The following FNDC3A variants were observed in gnomAD, a reference collection of about 807,000 sequenced individuals.
The protein encoded by FNDC3A is fibronectin type III domain containing 3A.
In FNDC3A, 32 loss-of-function variants were observed where a neutral mutation model predicts 148.9. That is an observed-to-expected ratio of 0.21 (90% CI 0.16 to 0.29). FNDC3A has a LOEUF of 0.29. Among genes scored for constraint, FNDC3A ranks in the 10% least tolerant of loss-of-function variants. The pLI is 1.00. For synonymous variants in FNDC3A, 472 were observed against 473.6 expected (o/e 1.00, Z 0.04); for missense variants, 1,191 against 1,452.8 (o/e 0.82, Z 2.93).
intron 2 of FNDC3A, among the ~76,000 whole-genome samples, chr13:49,031,861 A>G (rs1318519674): frequency 2.0e-5 from 3 of 152,186 alleles, no homozygotes; most frequent in Non-Finnish European, 4.4e-5. Context: ...AATTGGAGGA[A>G]AAAATCCATA....
chr13:49,167,007 C>T (rs565076708), intron 8 of FNDC3A, among the ~76,000 whole-genome samples: 2 of 152,166 alleles, frequency 1.3e-5, no homozygotes, highest in South Asian at 2.1e-4. Context: ...AAGAGTCTGG[C>T]TTACACAGCT....
chr13:49,027,152 A>T lies in FNDC3A; in HGVS notation c.99+20863A>T, dbSNP rs142834764. On this transcript the variant is annotated intron_variant, in intron 2 of 25. Transcript: ENST00000492622. ...AGGCTCATAGTTAGCCAGTTGACACACTGAGTGGCAGATTTGAGACTAGAC... is the reference window on the plus strand; with the variant it reads ...AGGCTCATAGTTAGCCAGTTGACACTCTGAGTGGCAGATTTGAGACTAGAC... 5.3e-3 allele frequency among the ~76,000 whole-genome samples: 805 copies of T among 152,272 alleles called. 7 individuals are homozygous for T. Among genetic ancestry groups the T allele is most frequent in the African/African-American group, 0.018 (768 of 41,558 alleles).
At chr13:49,082,363 G>A (rs1878534787) in intron 3 of FNDC3A, among the ~76,000 whole-genome samples, 1 of 152,052 alleles carries the variant, frequency 6.6e-6, no homozygotes, top group Non-Finnish European at 1.5e-5. Flanking sequence ...TCCAGCCTGG[G>A]TGACAGAGTA....
intron 8 of FNDC3A, among the ~76,000 whole-genome samples, chr13:49,153,591 C>T (rs1354014935): frequency 6.6e-6 from 1 of 152,058 alleles, no homozygotes; most frequent in Non-Finnish European, 1.5e-5. Context: ...GAAGTCCTTG[C>T]CCATGCCTAT....
intron 2 of FNDC3A, among the ~76,000 whole-genome samples, chr13:49,070,896 TTTG>T (rs1566230819): frequency 4.8e-5 from 7 of 146,532 alleles, no homozygotes; most frequent in African/African-American, 1.3e-4. Context: ...TTTTTTTTGT[TTTG>T]TTTTTTTTCT....
intron 4 of FNDC3A, among the ~76,000 whole-genome samples, chr13:49,119,292 G>A (rs1353421426): frequency 6.6e-6 from 1 of 152,140 alleles, no homozygotes; most frequent in Non-Finnish European, 1.5e-5. Flanking sequence ...GTAAAAGAAA[G>A]GAATAGCAAC....
intron 3 of FNDC3A, among the ~76,000 whole-genome samples, chr13:49,100,439 C>T (rs760730178): frequency 3.3e-5 from 5 of 152,074 alleles, no homozygotes; most frequent in East Asian, 1.9e-4. Flanking sequence ...ATCCCTCTTA[C>T]GCTAAGCGTT....
intron 15 of FNDC3A, among the ~76,000 whole-genome samples, chr13:49,186,311 C>T (rs755338310): frequency 2.6e-5 from 4 of 152,042 alleles, no homozygotes; most frequent in Non-Finnish European, 4.4e-5. Context: ...AAGGAACTTG[C>T]GATCCACTGT....
At chr13:49,150,729 G>A (rs914765446) in intron 8 of FNDC3A, among the ~76,000 whole-genome samples, 7 of 151,992 alleles carry the variant, frequency 4.6e-5, no homozygotes, top group South Asian at 4.1e-4. Context: ...GGCAGATCAC[G>A]ATGGCAAGAG....
intron 3 of FNDC3A, among the ~76,000 whole-genome samples, chr13:49,085,105 T>C (rs2137803884): frequency 6.6e-6 from 1 of 152,272 alleles, no homozygotes; most frequent in East Asian, 1.9e-4. Flanking sequence ...TTTTCTCCCT[T>C]TCTGTGCTGT....
intron 3 of FNDC3A, among the ~76,000 whole-genome samples, chr13:49,106,645 A>G (rs1880193075): frequency 6.6e-6 from 1 of 152,090 alleles, no homozygotes. Context: ...ATCACTTTCA[A>G]ATATACTTCG....
At chr13:49,071,864 A>G (rs1877719915) in intron 2 of FNDC3A, among the ~76,000 whole-genome samples, 1 of 151,902 alleles carries the variant, frequency 6.6e-6, no homozygotes, top group African/African-American at 2.4e-5. Flanking sequence ...TGTTTTTAAG[A>G]TAGGGTCTCA....
intron 3 of FNDC3A, among the ~76,000 whole-genome samples, chr13:49,087,213 A>G (rs941822733): frequency 3.3e-5 from 5 of 152,176 alleles, no homozygotes; most frequent in African/African-American, 1.2e-4. Context: ...CAACAAAAAT[A>G]TTGATTAAAA....
At chr13:49,131,024 C>G (rs1881996565) in intron 4 of FNDC3A, 113 bp from the exon 5 acceptor site, 1 of 780,966 alleles carries the variant, frequency 1.3e-6, no homozygotes, top group South Asian at 1.6e-5. Context: ...CCTCAGCCTC[C>G]CAAAGTGCTG....
At chr13:49,168,818 GT>G in intron 10 of FNDC3A, 67 bp downstream of exon 10, 1 of 1,407,382 alleles carries the variant, frequency 7.1e-7, no homozygotes, top group Non-Finnish European at 9.9e-7. Flanking sequence ...GTAGTATTAA[GT>G]TTCAATTGTT....
chr13:49,128,952 CCTG>C (rs1881866699), intron 4 of FNDC3A, among the ~76,000 whole-genome samples: 1 of 152,202 alleles, frequency 6.6e-6, no homozygotes, highest in Admixed American at 6.5e-5. Context: ...TATTCTGTAA[CCTG>C]CTCCTTTCTC....
rs529600426 is a variant in FNDC3A at position 49,164,778 on chromosome 13, T to C, written c.978-2466T>C. On this transcript the variant is annotated intron_variant, in intron 8 of 25. Coordinates refer to ENST00000492622, the MANE Select transcript of FNDC3A (RefSeq NM_001079673.2). The stretch of plus-strand genomic sequence containing the variant: ...TGCCCGCCACCACCGGCCGGCTAAT[T>C]TTTTGCATTTTTAGTAGAAATGGAG... Among the ~76,000 whole-genome samples the C allele has an allele frequency of 3.9e-5, 6 of 152,190 alleles. No homozygotes were observed. The East Asian group carries it at 1.2e-3, about 29-fold the overall frequency.
chr13:48,992,000 A>G (rs1951929033), intron 1 of FNDC3A, among the ~76,000 whole-genome samples: 1 of 152,356 alleles, frequency 6.6e-6, no homozygotes, highest in Admixed American at 6.5e-5. Context: ...TGAAAAGTGG[A>G]AAACCGAATG....
chr13:49,082,565 A>C (rs1170723935), intron 3 of FNDC3A, among the ~76,000 whole-genome samples: 2 of 152,128 alleles, frequency 1.3e-5, no homozygotes, highest in African/African-American at 2.4e-5. Flanking sequence ...TCCTGTCCTC[A>C]TTCCTTTTCC....
Sources: gnomAD v4.1 joint callset for allele counts (sites outside exome capture counted in the v4.1 genomes callset) on GRCh38, gnomAD v4.1.1 for gene constraint, MANE v1.5 for transcripts, NCBI Gene and HGNC (gene_info 2026-07-23, HGNC 2026-07-21) for gene names.